The following PRR7 variants were observed in gnomAD, a reference collection of about 807,000 sequenced individuals.
PRR7 encodes the protein proline-rich protein 7.
Under a neutral mutation model 18.5 loss-of-function variants are expected in PRR7, and 8 were observed. The observed-to-expected ratio is 0.43, with a 90% CI of 0.25 to 0.78. The LOEUF is 0.78. Ranked by LOEUF, PRR7 falls within the 30% of genes least tolerant of loss-of-function variation. The pLI is 0.22. For synonymous variants in PRR7, 221 were observed against 187.7 expected (o/e 1.18, Z -1.45); for missense variants, 396 against 403.1 (o/e 0.98, Z 0.15).
At position 177,455,048 on chromosome 5, in the gene PRR7, C is replaced by T. The variant is rs1581706369; in HGVS notation, c.-20C>T. 7 of 1,448,602 alleles carry T rather than the reference C, an allele frequency of 4.8e-6. No homozygotes were observed. Among genetic ancestry groups the T allele is most frequent in the Non-Finnish European group, 6.4e-6 (7 of 1,101,478 alleles). 89.7% of individuals were successfully genotyped at this position (1,448,602 alleles called of 1,614,324 possible). A position where few individuals can be genotyped will look rare whatever the true frequency, so the allele number is the denominator to read the frequency against. On this transcript the variant is annotated 5_prime_UTR_variant, in exon 3 of 4. Coordinates refer to ENST00000323249, the MANE Select transcript of PRR7 (RefSeq NM_030567.5). This position sits in a 1 kb window ranked among gnomAD's most constrained non-coding sequence, Gnocchi z 6.9. ...AGTGTCCAGTGAAGCGTCTGAGGAC[C>T]CGCCGCCCGTGCCGCCGCCATGGTG...
chr5:177,447,173 C>T (rs1178066525), intron 1 of PRR7, among the ~76,000 whole-genome samples: 3 of 152,142 alleles, frequency 2.0e-5, no homozygotes, highest in African/African-American at 7.2e-5. Context: ...GCGCGAGCCG[C>T]CACCAGTTCG....
Position 177,449,446 on chromosome 5 carries a change from G to A in PRR7, c.-325+2486G>A, listed in dbSNP as rs890431783. ...TAGCCAGGATGGGATCACATGGCTC[G>A]GTGAGGGCAGAAGCCAGATTTGAGC... On this transcript the variant is annotated intron_variant, in intron 1 of 3. Transcript: ENST00000323249. The surrounding 1 kb of genome is among the most constrained non-coding windows in gnomAD (Gnocchi z 4.2). 1.3e-5 allele frequency among the ~76,000 whole-genome samples: 2 copies of A among 152,208 alleles called. No homozygotes were observed. The highest frequency in any genetic ancestry group is 4.8e-5 in the African/African-American group (2 of 41,458).
chr5:177,456,081 C>A lies in PRR7; in HGVS notation c.785C>A (p.Pro262Gln). 6.4e-7 allele frequency: 1 copy of A among 1,558,926 alleles called. No individual in the cohort carries two copies. The highest frequency in any genetic ancestry group is 2.4e-5 in the East Asian group (1 of 42,458). ...EPLEHGAWRLPVSIPLFGRTT... is the reference protein window; with the variant it reads ...EPLEHGAWRLQVSIPLFGRTT... Reference sequence around the variant, plus strand: ...CTGGAGCACGGAGCTTGGCGTCTGCCGGTCTCCATCCCCTTGTTCGGGAGG... The same window carrying A: ...CTGGAGCACGGAGCTTGGCGTCTGCAGGTCTCCATCCCCTTGTTCGGGAGG... The change falls in exon 4 of 4, where the codon CCG (proline) becomes CAG (glutamine). Residue 262 changes from proline (P) to glutamine (Q), a missense_variant. Physicochemically the swap from Pro to Gln is moderately conservative, Grantham distance 76 (BLOSUM62 -1). Coordinates refer to ENST00000323249, the MANE Select transcript of PRR7 (RefSeq NM_030567.5).
In PRR7 at chr5:177,455,983, C is replaced by A; in HGVS notation, c.687C>A (p.Leu229=). 6.3e-7 allele frequency: 1 copy of A among 1,589,540 alleles called. No homozygotes were observed. ...GGCCCGCGCCGCCCTGCCCAGCCCT[C>A]TGCCTGCAGGCCGACCGTGGCCGCC... ...APRPAPPCPA[L]CLQADRGRRV... The change falls in exon 4 of 4, where the codon CTC becomes CTA. Residue 229 remains leucine (L), a synonymous_variant. Coordinates refer to ENST00000323249, the MANE Select transcript of PRR7 (RefSeq NM_030567.5). The surrounding 1 kb of genome is among the most constrained non-coding windows in gnomAD (Gnocchi z 6.9).
Position 177,454,980 on chromosome 5 carries a change from A to C in PRR7, c.-88A>C. 7.4e-7 allele frequency: 1 copy of C among 1,354,142 alleles called. No homozygotes were observed. Among genetic ancestry groups the C allele is most frequent in the Non-Finnish European group, 9.5e-7 (1 of 1,054,298 alleles). The allele number at this position is 1,354,142 out of a possible 1,614,324, so 83.9% of individuals were successfully genotyped here. A position where few individuals can be genotyped will look rare whatever the true frequency, so the allele number is the denominator to read the frequency against. On this transcript the variant is annotated 5_prime_UTR_variant, in exon 3 of 4. Coordinates refer to ENST00000323249, the MANE Select transcript of PRR7 (RefSeq NM_030567.5). This position sits in a 1 kb window ranked among gnomAD's most constrained non-coding sequence, Gnocchi z 4.7. ...CGGGTCCCCGAGTGACGCTGGCGGC[A>C]CCTGAGAGTGTGGCGCGGGCCCGGG...
Position 177,454,884 on chromosome 5 carries a change from G to A in PRR7, c.-184G>A, listed in dbSNP as rs1227993447. On this transcript the variant is annotated 5_prime_UTR_variant, in exon 3 of 4. Coordinates refer to ENST00000323249, the MANE Select transcript of PRR7 (RefSeq NM_030567.5). The surrounding 1 kb of genome is among the most constrained non-coding windows in gnomAD (Gnocchi z 4.7). The stretch of plus-strand genomic sequence containing the variant: ...GCGCGCCCGCCGGCGCCATGGGAAG[G>A]AGCGGGCGCCGCTGCTGTCCCCCGC... 10 of 777,440 alleles carry A rather than the reference G, an allele frequency of 1.3e-5. No individual in the cohort carries two copies. The East Asian group carries it at 3.4e-4, about 26-fold the overall frequency. The allele number at this position is 777,440 out of a possible 1,614,324, so 48.2% of individuals were successfully genotyped here. A position where few individuals can be genotyped will look rare whatever the true frequency, so the allele number is the denominator to read the frequency against.
intron 1 of PRR7, among the ~76,000 whole-genome samples, chr5:177,452,537 C>A (rs745795334): frequency 1.3e-5 from 2 of 152,234 alleles, no homozygotes; most frequent in African/African-American, 4.8e-5. Flanking sequence ...AGGCTTCAGA[C>A]AGGATTCCAG....
intron 1 of PRR7, chr5:177,448,343 T>C (rs1159650660): frequency 6.6e-6 from 1 of 152,278 alleles, no homozygotes; most frequent in Admixed American, 6.5e-5. Flanking sequence ...TCCTGCTCTG[T>C]GAGACCTGTG....
chr5:177,454,825 A>T lies in PRR7; in HGVS notation c.-239-4A>T. On this transcript the variant is annotated splice_region_variant and splice_polypyrimidine_tract_variant and intron_variant, in intron 2 of 3. Coordinates refer to ENST00000323249, the MANE Select transcript of PRR7 (RefSeq NM_030567.5). This position sits in a 1 kb window ranked among gnomAD's most constrained non-coding sequence, Gnocchi z 4.7. ...CTTCACTGCGCCCCGTGTCTGCCCT[A>T]CAGGTCCCGCGCGGCCCCGGGTGAG... 3.4e-6 allele frequency: 1 copy of T among 292,110 alleles called. No homozygotes were observed. 18.1% of individuals were successfully genotyped at this position (292,110 alleles called of 1,614,324 possible).
rs1164400293 is a variant in PRR7, at chr5:177,449,020, A to G, written c.-325+2060A>G. ...CGGGCCAGGGAGCCGCTCAGCTCCA[A>G]TCTTTGTCACTGTGTGAAATGTGGA... is the stretch of plus-strand genomic sequence containing the variant. On this transcript the variant is annotated intron_variant, in intron 1 of 3. Transcript: ENST00000323249. The surrounding 1 kb of genome is among the most constrained non-coding windows in gnomAD (Gnocchi z 4.2). Among the ~76,000 whole-genome samples the G allele has an allele frequency of 1.3e-5, 2 of 152,238 alleles. No homozygotes were observed. The highest frequency in any genetic ancestry group is 2.9e-5 in the Non-Finnish European group (2 of 68,050).
At chr5:177,446,243 G>C (rs930241870), upstream of PRR7, 1 of 152,316 alleles carries the variant, frequency 6.6e-6, no homozygotes, top group African/African-American at 2.4e-5. This position sits in a 1 kb window ranked among gnomAD's most constrained non-coding sequence, Gnocchi z 5.3. Flanking sequence ...GCTGGGGTAG[G>C]GGGGAGGCAT....
chr5:177,449,219 G>A lies in PRR7; in HGVS notation c.-325+2259G>A, dbSNP rs971977047. Among the ~76,000 whole-genome samples the A allele has an allele frequency of 1.3e-5, 2 of 152,260 alleles. No homozygotes were observed. Among genetic ancestry groups the A allele is most frequent in the African/African-American group, 4.8e-5 (2 of 41,476 alleles). On this transcript the variant is annotated intron_variant, in intron 1 of 3. Coordinates refer to ENST00000323249, the MANE Select transcript of PRR7 (RefSeq NM_030567.5). This position sits in a 1 kb window ranked among gnomAD's most constrained non-coding sequence, Gnocchi z 4.2. ...GAACTGTGTCCAACCTAAGGGTCCT[G>A]TGTCTGAGACCTCTGGTCCGTGGGA...
chr5:177,456,153 G>T lies in PRR7; in HGVS notation c.*32G>T. ...GCCCGGCGCCCCGGGCCCCACCGGC[G>T]GACTCCTGGCCTGACTGCGGGGCTT... On this transcript the variant is annotated 3_prime_UTR_variant, in exon 4 of 4. Transcript: ENST00000323249. 1.4e-6 allele frequency: 2 copies of T among 1,420,660 alleles called. No homozygotes were observed. Among genetic ancestry groups the T allele is most frequent in the African/African-American group, 1.5e-5 (1 of 66,868 alleles). The allele number at this position is 1,420,660 out of a possible 1,614,324, so 88.0% of individuals were successfully genotyped here.
rs1756360105 is a variant in PRR7, at chr5:177,455,341, T to G, written c.274T>G (p.Ser92Ala). ...SRLEAPAHAH[S>A]HPHVHVHPLL... ...CCTGGAGGCGCCGGCTCACGCGCAC[T>G]CGCATCCGCACGTGCACGTGCACCC... is the stretch of plus-strand genomic sequence containing the variant. The change falls in exon 3 of 4, where the codon TCG (serine) becomes GCG (alanine). Residue 92 changes from serine (S) to alanine (A), a missense_variant. Ser to Ala is a moderately conservative substitution (Grantham distance 99). This residue lies in a region of PRR7 where 383 missense variants were observed against 372.6 expected (regional missense o/e 1.03). Transcript: ENST00000323249. The surrounding 1 kb of genome is among the most constrained non-coding windows in gnomAD (Gnocchi z 6.9). 1 of 1,488,880 alleles carries G rather than the reference T, an allele frequency of 6.7e-7. No homozygotes were observed. 92.2% of individuals were successfully genotyped at this position (1,488,880 alleles called of 1,614,324 possible).
rs1561671326 is a variant in PRR7 at position 177,455,423 on chromosome 5, A to G, written c.356A>G (p.His119Arg). 1 of 1,503,398 alleles carries G rather than the reference A, an allele frequency of 6.7e-7. No individual in the cohort carries two copies. The highest frequency in any genetic ancestry group is 8.8e-7 in the Non-Finnish European group (1 of 1,133,002). The allele number at this position is 1,503,398 out of a possible 1,614,324, so 93.1% of individuals were successfully genotyped here. A position where few individuals can be genotyped will look rare whatever the true frequency, so the allele number is the denominator to read the frequency against. ...GCGCACGCGCACCCACACCCGCACC[A>G]CCACGCGCTCCCGCACCCGCCGCCT... ...PHAHAHPHPH[H>R]HALPHPPPTH... The change falls in exon 3 of 4, where the codon CAC (histidine) becomes CGC (arginine). Residue 119 changes from histidine (H) to arginine (R), a missense_variant. His to Arg is a conservative substitution (Grantham distance 29). This residue lies in a region of PRR7 where 383 missense variants were observed against 372.6 expected (regional missense o/e 1.03). Coordinates refer to ENST00000323249, the MANE Select transcript of PRR7 (RefSeq NM_030567.5). This position sits in a 1 kb window ranked among gnomAD's most constrained non-coding sequence, Gnocchi z 6.9.
At position 177,455,897 on chromosome 5, in the gene PRR7, T is replaced by C. The variant is rs774626492; in HGVS notation, c.601T>C (p.Tyr201His). The C allele has an allele frequency of 6.2e-7, 1 of 1,609,930 alleles. No homozygotes were observed. Among genetic ancestry groups the C allele is most frequent in the Admixed American group, 1.7e-5 (1 of 59,970 alleles). The change falls in exon 4 of 4, where the codon TAC (tyrosine) becomes CAC (histidine). Residue 201 changes from tyrosine to histidine, a missense_variant. Tyr to His is a moderately conservative substitution (Grantham distance 83). Transcript: ENST00000323249. This position sits in a 1 kb window ranked among gnomAD's most constrained non-coding sequence, Gnocchi z 6.9. ...AEKQEQPPPSYKPLFLDRGYT... is the reference protein window; with the variant it reads ...AEKQEQPPPSHKPLFLDRGYT... ...GAAGCAGGAGCAGCCGCCTCCCAGCTACAAGCCGCTCTTCCTGGACCGGGG... is the reference window on the plus strand; with the variant it reads ...GAAGCAGGAGCAGCCGCCTCCCAGCCACAAGCCGCTCTTCCTGGACCGGGG...
At position 177,450,312 on chromosome 5, in the gene PRR7, C is replaced by T. The variant is rs770904438; in HGVS notation, c.-325+3352C>T. Among the ~76,000 whole-genome samples, 10 of 152,186 alleles carry T rather than the reference C, an allele frequency of 6.6e-5. No individual in the cohort carries two copies. The highest frequency in any genetic ancestry group is 1.3e-4 in the Non-Finnish European group (9 of 68,040). On this transcript the variant is annotated intron_variant, in intron 1 of 3. Transcript: ENST00000323249. The surrounding 1 kb of genome is among the most constrained non-coding windows in gnomAD (Gnocchi z 6.6). ...CCTGCTGCCCGGGATTTTCCATCCCCACCCCCCAGAGCCCTGGTGTGTGCC... is the reference window on the plus strand; with the variant it reads ...CCTGCTGCCCGGGATTTTCCATCCCTACCCCCCAGAGCCCTGGTGTGTGCC...
At chr5:177,453,202 A>G (rs1297676419) in intron 1 of PRR7, among the ~76,000 whole-genome samples, 2 of 152,106 alleles carry the variant, frequency 1.3e-5, no homozygotes, top group Non-Finnish European at 2.9e-5. Flanking sequence ...GCTAAACCCC[A>G]TCACCTCCAG....
Position 177,455,323 on chromosome 5 carries a change from G to A in PRR7, c.256G>A (p.Ala86Thr), listed in dbSNP as rs1386858245. Reference sequence around the variant, plus strand: ...ACCACCACACCGTAGCCGCCTGGAGGCGCCGGCTCACGCGCACTCGCATCC... The same window carrying A: ...ACCACCACACCGTAGCCGCCTGGAGACGCCGGCTCACGCGCACTCGCATCC... ...QPPPHRSRLEAPAHAHSHPHV... is the reference protein window; with the variant it reads ...QPPPHRSRLETPAHAHSHPHV... The change falls in exon 3 of 4, where the codon GCG becomes ACG. Residue 86 changes from alanine (A) to threonine (T), a missense_variant. By Grantham distance (58) the Ala-to-Thr change is moderately conservative (BLOSUM62 0). Around this residue, in one of 2 missense-constraint regions of PRR7, gnomAD observed 383 missense variants for 372.6 expected, o/e 1.03. Transcript: ENST00000323249. The surrounding 1 kb of genome is among the most constrained non-coding windows in gnomAD (Gnocchi z 6.9). 1.3e-6 allele frequency: 2 copies of A among 1,486,506 alleles called. No individual in the cohort carries two copies. The highest frequency in any genetic ancestry group is 1.3e-5 in the South Asian group (1 of 78,178). The allele number at this position is 1,486,506 out of a possible 1,614,324, so 92.1% of individuals were successfully genotyped here.
Sources: allele counts gnomAD v4.1 joint callset (sites outside exome capture counted in the v4.1 genomes callset), GRCh38; gene constraint gnomAD v4.1.1; regional missense constraint gnomAD v4.1.1; non-coding constraint Gnocchi (gnomAD v3.1); transcripts MANE v1.5; gene names NCBI Gene and HGNC (gene_info 2026-07-23, HGNC 2026-07-21).